INTS11: variants seen among roughly 807,000 people sequenced by gnomAD.
INTS11 encodes the protein integrator complex subunit 11.
INTS11 carries 77 observed loss-of-function variants against 78.6 expected under a neutral mutation model. The ratio of observed to expected loss-of-function variants is 0.98; its 90% CI spans 0.81 to 1.18. The LOEUF is 1.18. Among genes scored for constraint, INTS11 ranks in the 50% most tolerant of loss-of-function variants. INTS11 has a pLI of 0.00. For missense variants in INTS11, 875 were observed against 825.9 expected, an observed-to-expected ratio of 1.06 and a Z score of -0.73; for synonymous variants, 441 against 326.9, an observed-to-expected ratio of 1.35 and a Z score of -3.77.
chr1:1,313,582 G>C lies in INTS11; in HGVS notation c.968C>G (p.Ala323Gly), dbSNP rs1642378486. ...ADNPGPMVVF[A>G]TPGMLHAGQS... is the part of the protein sequence containing the mutation. The stretch of plus-strand genomic sequence containing the variant: ...CCCAGCGTGCAGCATTCCTGGCGTG[G>C]CAAACACAACCTACAGGACACACAG... The change falls in exon 10 of 17, where the codon GCC becomes GGC. Residue 323 changes from alanine to glycine, a missense_variant. Ala to Gly is a moderately conservative substitution (Grantham distance 60). Coordinates refer to ENST00000435064, the MANE Select transcript of INTS11 (RefSeq NM_017871.6). 6.2e-7 allele frequency: 1 copy of C among 1,612,948 alleles called. No homozygotes were observed. The highest frequency in any genetic ancestry group is 8.5e-7 in the Non-Finnish European group (1 of 1,180,014).
Position 1,311,807 on chromosome 1 carries a change from G to A in INTS11, c.*52C>T. On this transcript the variant is annotated 3_prime_UTR_variant, in exon 17 of 17. Coordinates refer to ENST00000435064, the MANE Select transcript of INTS11 (RefSeq NM_017871.6). ...CCACAGTCCTGAAGTGCAGGCCCAG[G>A]GTCTGTCCAGCTGGGAGAGGGCAGA... 7 of 1,493,262 alleles carry A rather than the reference G, an allele frequency of 4.7e-6. No homozygotes were observed. Among genetic ancestry groups the A allele is most frequent in the Non-Finnish European group, 5.4e-6 (6 of 1,117,066 alleles). 92.5% of individuals were successfully genotyped at this position (1,493,262 alleles called of 1,614,324 possible).
intron 4 of INTS11, chr1:1,316,788 G>A (rs1331956369): frequency 2.0e-5 from 3 of 151,140 alleles, no homozygotes; most frequent in African/African-American, 7.3e-5. Flanking sequence ...GCCGGATGTG[G>A]TGGTGTGCGC....
chr1:1,313,142 G>T lies in INTS11; in HGVS notation c.1042-18C>A. 4 of 1,599,456 alleles carry T rather than the reference G, an allele frequency of 2.5e-6. No homozygotes were observed. The highest frequency in any genetic ancestry group is 3.4e-6 in the Non-Finnish European group (4 of 1,176,826). Reference sequence around the variant, plus strand: ...ATGATGACCTGGGGGCAGGCACAGAGCTCACAGCCAGGGAACTCCAGCCTT... The same window carrying T: ...ATGATGACCTGGGGGCAGGCACAGATCTCACAGCCAGGGAACTCCAGCCTT... On this transcript the variant is annotated intron_variant, in intron 10 of 16. Coordinates refer to ENST00000435064, the MANE Select transcript of INTS11 (RefSeq NM_017871.6).
At position 1,313,807 on chromosome 1, in the gene INTS11, G is replaced by C. The variant is rs12142199; in HGVS notation, c.882C>G (p.Phe294Leu). The change falls in exon 9 of 17, where the codon TTC (phenylalanine) becomes TTG (leucine). Residue 294 changes from phenylalanine (F) to leucine (L), a missense_variant. Phe to Leu is a conservative substitution (Grantham distance 22). Coordinates refer to ENST00000435064, the MANE Select transcript of INTS11 (RefSeq NM_017871.6). ...PWTNQKIRKT[F>L]VQRNMFEFKH... ...TGAACTCAAACATGTTCCTCTGCAC[G>C]AAAGTCTTGCGGATCTTCTGGTTGG... 1.2e-6 allele frequency: 2 copies of C among 1,613,318 alleles called. No homozygotes were observed. Among genetic ancestry groups the C allele is most frequent in the African/African-American group, 1.3e-5 (1 of 74,896 alleles).
chr1:1,312,341 C>G lies in INTS11; in HGVS notation c.1492G>C (p.Ala498Pro). 1 of 1,561,462 alleles carries G rather than the reference C, an allele frequency of 6.4e-7. No homozygotes were observed. Among genetic ancestry groups the G allele is most frequent in the Non-Finnish European group, 8.7e-7 (1 of 1,152,894 alleles). ...TCAGCCAGACCCAGCTCTTTGAGGGCTTGCTCTGAGGACACCAGCCGGAAG... is the reference window on the plus strand; with the variant it reads ...TCAGCCAGACCCAGCTCTTTGAGGGGTTGCTCTGAGGACACCAGCCGGAAG... ...SNFRLVSSEQ[A>P]LKELGLAEHQ... Residue 498 changes from alanine (A) to proline (P), a missense_variant, in exon 15 of 17, where the codon GCC (alanine) becomes CCC (proline). Physicochemically the swap from Ala to Pro is conservative, Grantham distance 27. Coordinates refer to ENST00000435064, the MANE Select transcript of INTS11 (RefSeq NM_017871.6).
In INTS11 at chr1:1,313,055, C is replaced by T. The variant is rs1163539163; in HGVS notation, c.1111G>A (p.Glu371Lys). 3.1e-6 allele frequency: 5 copies of T among 1,610,488 alleles called. No individual in the cohort carries two copies. The African/African-American group carries it at 5.3e-5, about 17-fold the overall frequency. Residue 371 changes from glutamate (E) to lysine (K), a missense_variant, in exon 11 of 17, where the codon GAG (glutamate) becomes AAG (lysine). By Grantham distance (56) the Glu-to-Lys change is moderately conservative (BLOSUM62 1). Coordinates refer to ENST00000435064, the MANE Select transcript of INTS11 (RefSeq NM_017871.6). ...CTCACCACCTGCCGCCCCTCCATCT[C>T]GAGCTTCCGCTGCCCGCTGAGGATC... Reference protein sequence around the residue: ...HKILSGQRKLEMEGRQVLEVK... With the variant: ...HKILSGQRKLKMEGRQVLEVK...
At chr1:1,315,332 C>T in intron 6 of INTS11, 72 bp downstream of exon 6, 3 of 1,578,708 alleles carry the variant, frequency 1.9e-6, no homozygotes, top group Non-Finnish European at 2.6e-6. Context: ...CAAGGGCTGG[C>T]ACCCTGACAC....
chr1:1,312,425 C>T lies in INTS11; in HGVS notation c.1464+15G>A, dbSNP rs139422823. ...CAGCGGCCCTCCCCCCTCCAGAGAC[C>T]GTCCTGGCACTCACGCTGTCCTTCA... On this transcript the variant is annotated intron_variant, in intron 14 of 16. Transcript: ENST00000435064. 5.0e-4 allele frequency: 778 copies of T among 1,565,306 alleles called. 1 individual carries two copies. In the African/African-American group the frequency reaches 8.0e-3, roughly 16 times the overall value.
chr1:1,318,674 C>A (rs918424280), intron 4 of INTS11: 12 of 441,884 alleles, frequency 2.7e-5, no homozygotes, highest in Non-Finnish European at 4.4e-5. Context: ...TAAAGTTTCA[C>A]AACAAAAAAG....
At position 1,314,006 on chromosome 1, in the gene INTS11, G is replaced by A. The variant is rs554223343; in HGVS notation, c.768-85C>T. The stretch of plus-strand genomic sequence containing the variant: ...CTCGGCCGGGTCACCCCCAACACCC[G>A]TGTCTGCACAGCCCACGCACGGGCC... On this transcript the variant is annotated intron_variant, in intron 8 of 16. Transcript: ENST00000435064. The surrounding 1 kb of genome is among the most constrained non-coding windows in gnomAD (Gnocchi z 4.2). The A allele has an allele frequency of 2.2e-5, 31 of 1,386,820 alleles. No homozygotes were observed. The Middle Eastern group carries it at 5.7e-4, about 25-fold the overall frequency. The allele number at this position is 1,386,820 out of a possible 1,614,324, so 85.9% of individuals were successfully genotyped here.
At position 1,312,632 on chromosome 1, in the gene INTS11, C is replaced by T. The variant is rs1642289840; in HGVS notation, c.1363G>A (p.Gly455Ser). The T allele has an allele frequency of 6.3e-7, 1 of 1,589,820 alleles. No individual in the cohort carries two copies. The highest frequency in any genetic ancestry group is 1.7e-5 in the Admixed American group (1 of 58,772). The change falls in exon 13 of 17, where the codon GGC (glycine) becomes AGC (serine). Residue 455 changes from glycine (G) to serine (S), a missense_variant. Transcript: ENST00000435064. ...CGCTTCAGCAGCCCCAGCGAGATGC[C>T]TACGGGGATGCTGGGGCTTGTGGGC... ...TLPTSPSIPV[G>S]ISLGLLKREM...
intron 1 of INTS11, chr1:1,321,759 TC>T: frequency 2.0e-6 from 1 of 502,004 alleles, no homozygotes; most frequent in Non-Finnish European, 3.4e-6. Context: ...GCCCAGCTGC[TC>T]CAGCCAGAGG....
At chr1:1,324,438 C>A (rs1643213795) in intron 1 of INTS11, 143 bp downstream of exon 1, 6 of 824,628 alleles carry the variant, frequency 7.3e-6, no homozygotes, top group Admixed American at 6.6e-5. Context: ...TCGGCTCCCA[C>A]CAGGGCCCGC....
At chr1:1,321,866 G>A in intron 1 of INTS11, 3 of 1,279,892 alleles carry the variant, frequency 2.3e-6, no homozygotes, top group Middle Eastern at 2.0e-4. Context: ...CTGGGCAGGA[G>A]TCTGATGGCA....
At chr1:1,323,410 CTT>C (rs1557645913) in intron 1 of INTS11, 1 of 1,133,366 alleles carries the variant, frequency 8.8e-7, no homozygotes, top group Non-Finnish European at 1.2e-6. Flanking sequence ...ACTGTTACGA[CTT>C]TGACTTTCTT....
rs748474168 is a variant in INTS11 at position 1,311,878 on chromosome 1, A to T, written c.1784T>A (p.Leu595His). ...CCGGCCTCAGCTGGGGGCCTGGGGGAGGCCCTTCTTCAGCAGAGATGTGAG... is the reference window on the plus strand; with the variant it reads ...CCGGCCTCAGCTGGGGGCCTGGGGGTGGCCCTTCTTCAGCAGAGATGTGAG... ...SFLTSLLKKG[L>H]PQAPS Residue 595 changes from leucine (L) to histidine (H), a missense_variant, in exon 17 of 17, where the codon CTC (leucine) becomes CAC (histidine). Physicochemically the swap from Leu to His is moderately conservative, Grantham distance 99 (BLOSUM62 -3). Coordinates refer to ENST00000435064, the MANE Select transcript of INTS11 (RefSeq NM_017871.6). The T allele has an allele frequency of 6.4e-7, 1 of 1,562,548 alleles. No individual in the cohort carries two copies. The highest frequency in any genetic ancestry group is 1.2e-5 in the South Asian group (1 of 84,324).
rs761702852 is a variant in INTS11 at position 1,312,487 on chromosome 1, C to T, written c.1417G>A (p.Ala473Thr). The T allele has an allele frequency of 3.8e-5, 60 of 1,580,158 alleles. No homozygotes were observed. Among genetic ancestry groups the T allele is most frequent in the Non-Finnish European group, 4.8e-5 (56 of 1,163,682 alleles). The stretch of plus-strand genomic sequence containing the variant: ...CCGTGCAGGAGCCGAGGCTTCTTGG[C>T]CTCAGGGAGCAGCCCTGCGGAGGAG... Reference protein sequence around the residue: ...REMAQGLLPEAKKPRLLHGTL... With the variant: ...REMAQGLLPETKKPRLLHGTL... Residue 473 changes from alanine (A) to threonine (T), a missense_variant, in exon 14 of 17, where the codon GCC becomes ACC. Physicochemically the swap from Ala to Thr is moderately conservative, Grantham distance 58 (BLOSUM62 0). Transcript: ENST00000435064.
At chr1:1,320,322 T>C (rs947200275) in intron 3 of INTS11, 134 bp downstream of exon 3, 11 of 792,150 alleles carry the variant, frequency 1.4e-5, no homozygotes, top group Admixed American at 6.1e-5. Flanking sequence ...AGGGAGCAGA[T>C]CCTGGGGCCT....
intron 1 of INTS11, chr1:1,322,052 C>CT: frequency 9.3e-7 from 1 of 1,079,250 alleles, no homozygotes; most frequent in Non-Finnish European, 1.2e-6. Context: ...TGTGAGCTCT[C>CT]TGAGAGCAGG....
Sources: gnomAD v4.1 joint callset for allele counts on GRCh38, gnomAD v4.1.1 for gene constraint, Gnocchi (gnomAD v3.1) non-coding constraint, MANE v1.5 for transcripts, NCBI Gene and HGNC (gene_info 2026-07-23, HGNC 2026-07-21) for gene names.